BLTP1: variants seen among roughly 807,000 people sequenced by gnomAD.
The protein encoded by BLTP1 is bridge-like lipid transfer protein family member 1.
the BLTP1 span, chr4:122,362,536 A>ATAAC: frequency 5.5e-6 from 1 of 182,300 alleles, no homozygotes; most frequent in African/African-American, 2.4e-5. Flanking sequence ...TGTCTGCAGA[A>ATAAC]TAACTGTGAA....
At chr4:122,347,897 G>A in the BLTP1 span, 12 of 451,250 alleles carry the variant, frequency 2.7e-5, no homozygotes, top group Admixed American at 8.9e-5. Context: ...TTTATGACAC[G>A]TCAAAAAAAA....
chr4:122,334,064 C>A, the BLTP1 span, among the ~76,000 whole-genome samples: 1 of 152,028 alleles, frequency 6.6e-6, no homozygotes, highest in African/African-American at 2.4e-5. Context: ...ACTTGCTAAA[C>A]CTTGCTAGTG....
At chr4:122,271,170 A>G in the BLTP1 span, 42 of 1,614,010 alleles carry the variant, frequency 2.6e-5, no homozygotes, top group Admixed American at 3.3e-5. Context: ...AAGCGGTATT[A>G]TAACACCTTT....
chr4:122,284,347 A>G, the BLTP1 span, among the ~76,000 whole-genome samples: 1 of 152,178 alleles, frequency 6.6e-6, no homozygotes. Flanking sequence ...AAAGGAATCA[A>G]CATTACATGA....
chr4:122,358,694 C>G, the BLTP1 span, among the ~76,000 whole-genome samples: 2 of 152,238 alleles, frequency 1.3e-5, no homozygotes, highest in East Asian at 3.9e-4. Flanking sequence ...GAGGCTCATT[C>G]CCAATCAAGT....
the BLTP1 span, chr4:122,247,218 G>A: frequency 1.2e-6 from 2 of 1,613,180 alleles, no homozygotes; most frequent in African/African-American, 2.7e-5. Flanking sequence ...ATTTTGATAG[G>A]TATGTTCATG....
the BLTP1 span, among the ~76,000 whole-genome samples, chr4:122,178,394 C>A: frequency 6.6e-6 from 1 of 152,160 alleles, no homozygotes; most frequent in Non-Finnish European, 1.5e-5. Context: ...AAATTAAGAG[C>A]CTGGACCTGC....
chr4:122,250,723 G>C, the BLTP1 span: 10 of 849,312 alleles, frequency 1.2e-5, no homozygotes, highest in Admixed American at 2.8e-5. Flanking sequence ...TAGTCAAAGT[G>C]TGTTGGTGAA....
the BLTP1 span, chr4:122,281,398 A>C: frequency 1.5e-6 from 2 of 1,346,284 alleles, no homozygotes; most frequent in Non-Finnish European, 1.9e-6. Flanking sequence ...AGAAAGTCTG[A>C]ATATGATCTG....
the BLTP1 span, chr4:122,154,266 C>T: frequency 1.1e-6 from 1 of 941,710 alleles, no homozygotes; most frequent in Non-Finnish European, 1.3e-6. Context: ...AGCTCCACCT[C>T]CCGGGTTCAC....
At chr4:122,199,334 T>C in the BLTP1 span, 1 of 1,607,826 alleles carries the variant, frequency 6.2e-7, no homozygotes. Flanking sequence ...TTCCTGGTTC[T>C]TAGTTTTTAT....
the BLTP1 span, among the ~76,000 whole-genome samples, chr4:122,241,573 T>C: frequency 6.6e-6 from 1 of 152,156 alleles, no homozygotes; most frequent in Non-Finnish European, 1.5e-5. Context: ...GTATTAGTAA[T>C]GATGGGACAT....
At chr4:122,162,442 A>C in the BLTP1 span, 2 of 802,890 alleles carry the variant, frequency 2.5e-6, no homozygotes, top group Admixed American at 1.2e-4. Flanking sequence ...TAACCAGTGC[A>C]CTGAGCTTTC....
At chr4:122,337,037 C>A in the BLTP1 span, 14 of 1,575,024 alleles carry the variant, frequency 8.9e-6, no homozygotes, top group East Asian at 1.8e-4. Flanking sequence ...TACTTCATTT[C>A]TTTCTTTTTG....
the BLTP1 span, chr4:122,356,739 T>G: frequency 6.2e-7 from 1 of 1,610,972 alleles, no homozygotes; most frequent in Non-Finnish European, 8.5e-7. Flanking sequence ...CAGCTTATCT[T>G]AAAGAAAAAG....
chr4:122,217,829 T>C, the BLTP1 span, among the ~76,000 whole-genome samples: 3 of 152,182 alleles, frequency 2.0e-5, no homozygotes, highest in Non-Finnish European at 2.9e-5. Flanking sequence ...CAGCTGTGAA[T>C]CCATCTGGTC....
the BLTP1 span, chr4:122,344,516 A>C: frequency 6.2e-7 from 1 of 1,613,886 alleles, no homozygotes; most frequent in Non-Finnish European, 8.5e-7. Context: ...TCAGTCTGTA[A>C]GCAAGTCTGC....
At chr4:122,357,015 T>C in the BLTP1 span, 1 of 984,366 alleles carries the variant, frequency 1.0e-6, no homozygotes, top group Non-Finnish European at 1.2e-6. Context: ...TTACAGGAGA[T>C]TCTTGAAAAA....
chr4:122,224,022 C>T, the BLTP1 span: 2 of 978,524 alleles, frequency 2.0e-6, no homozygotes, highest in Non-Finnish European at 2.4e-6. Context: ...AGAAAACTCT[C>T]CTTGTATTTA....
Sources: allele counts gnomAD v4.1 joint callset (sites outside exome capture counted in the v4.1 genomes callset), GRCh38; gene constraint gnomAD v4.1.1; transcripts MANE v1.5; gene names NCBI Gene and HGNC (gene_info 2026-07-23, HGNC 2026-07-21).